KIAA1549L: variants seen among roughly 807,000 people sequenced by gnomAD.
The protein encoded by KIAA1549L is UPF0606 protein KIAA1549L.
In KIAA1549L, 88 loss-of-function variants were observed where a neutral mutation model predicts 160.7. The observed-to-expected ratio is 0.55, with a 90% confidence interval of 0.46 to 0.65. KIAA1549L has a LOEUF of 0.65. Among genes scored for constraint, KIAA1549L ranks in the 30% least tolerant of loss-of-function variants. KIAA1549L has a pLI of 0.00. For missense variants in KIAA1549L, 2,258 were observed against 2,437.5 expected (o/e 0.93, Z 1.55); for synonymous variants, 950 against 976.7 (o/e 0.97, Z 0.51).
chr11:33,414,766 C>T (rs993297579), intron 1 of KIAA1549L, among the ~76,000 whole-genome samples: 7 of 151,896 alleles, frequency 4.6e-5, no homozygotes, highest in African/African-American at 1.7e-4. Context: ...GAGAGGTAAT[C>T]GAATAAATAA....
intron 1 of KIAA1549L, among the ~76,000 whole-genome samples, chr11:33,516,813 C>G (rs934947664): frequency 8.5e-5 from 13 of 152,186 alleles, no homozygotes; most frequent in African/African-American, 2.9e-4. Flanking sequence ...TGTCTAAGCT[C>G]CCCAGAATTA....
chr11:33,382,236 G>A (rs1044295821), intron 1 of KIAA1549L, among the ~76,000 whole-genome samples: 10 of 152,138 alleles, frequency 6.6e-5, no homozygotes, highest in Admixed American at 5.9e-4. Context: ...CAATGAGGCA[G>A]TAGGAAGAGA....
intron 10 of KIAA1549L, among the ~76,000 whole-genome samples, chr11:33,581,822 C>T (rs1160190894): frequency 2.6e-5 from 4 of 152,044 alleles, no homozygotes; most frequent in Non-Finnish European, 5.9e-5. Flanking sequence ...ATTAATGTGT[C>T]CAAGATAAAA....
chr11:33,456,349 T>C (rs1045345238), intron 1 of KIAA1549L, among the ~76,000 whole-genome samples: 2 of 152,162 alleles, frequency 1.3e-5, no homozygotes, highest in Non-Finnish European at 2.9e-5. Context: ...GGAAGTATGA[T>C]TGGCTTATTG....
At chr11:33,580,280 A>G (rs1242953037) in intron 10 of KIAA1549L, among the ~76,000 whole-genome samples, 1 of 152,182 alleles carries the variant, frequency 6.6e-6, no homozygotes, top group African/African-American at 2.4e-5. Context: ...TTTATCTGAA[A>G]AGATGCCACT....
chr11:33,464,478 G>A (rs1048195875), intron 1 of KIAA1549L, among the ~76,000 whole-genome samples: 2 of 123,382 alleles, frequency 1.6e-5, no homozygotes, highest in African/African-American at 6.0e-5. Context: ...GTGTGCATGT[G>A]TGTGTGTGTG....
intron 1 of KIAA1549L, among the ~76,000 whole-genome samples, chr11:33,422,552 CCCCCTCCT>C (rs1851037889): frequency 8.9e-6 from 1 of 112,454 alleles, no homozygotes; most frequent in Non-Finnish European, 1.8e-5. Flanking sequence ...CCCCCCTTCC[CCCCCTCCT>C]CTCCCTCCCT....
In KIAA1549L at chr11:33,603,604, C is replaced by T. The variant is rs370599977; in HGVS notation, c.4880-3037C>T. On this transcript the variant is annotated intron_variant, in intron 13 of 20. Coordinates refer to ENST00000658780, the MANE Select transcript of KIAA1549L (RefSeq NM_012194.3). ...GGTGGATCACCTGAGGTCAGGAGTTCGAGACCAGCCTGGCCAACATGGTGA... is the reference window on the plus strand; with the variant it reads ...GGTGGATCACCTGAGGTCAGGAGTTTGAGACCAGCCTGGCCAACATGGTGA... Among the ~76,000 whole-genome samples, 378 of 152,046 alleles carry T rather than the reference C, an allele frequency of 2.5e-3. 2 individuals carry two copies. Among genetic ancestry groups the T allele is most frequent in the African/African-American group, 8.6e-3 (357 of 41,490 alleles).
rs765763365 is a variant in KIAA1549L at position 33,559,830 on chromosome 11, G to A, written c.3937G>A (p.Val1313Ile). ...TCAGAGCACATTCCTCAACGGCACC[G>A]TCGCCAGCAGCCTCCTCAGCCAGCT... ...GNQSTFLNGT[V>I]ASSLLSQLSA... Residue 1313 changes from valine to isoleucine, a missense_variant, in exon 7 of 21, where the codon GTC becomes ATC. Val to Ile is a conservative substitution (Grantham distance 29). Around this residue, in one of 6 missense-constraint regions of KIAA1549L, gnomAD observed 1,359 missense variants for 1,546.6 expected, o/e 0.88. Transcript: ENST00000658780. The A allele has an allele frequency of 6.6e-5, 107 of 1,613,842 alleles. 1 individual carries two copies. Among genetic ancestry groups the A allele is most frequent in the South Asian group, 2.5e-4 (23 of 91,084 alleles).
intron 1 of KIAA1549L, among the ~76,000 whole-genome samples, chr11:33,412,445 T>C (rs1850803345): frequency 6.6e-6 from 1 of 152,236 alleles, no homozygotes; most frequent in African/African-American, 2.4e-5. Context: ...CCTGAATTAC[T>C]AACACCCTTA....
chr11:33,400,118 C>T (rs1453479704), intron 1 of KIAA1549L, among the ~76,000 whole-genome samples: 1 of 152,114 alleles, frequency 6.6e-6, no homozygotes, highest in East Asian at 1.9e-4. Flanking sequence ...AGCTTCTGAC[C>T]TTTCACGTAC....
At chr11:33,540,115 G>T (rs189527678) in intron 1 of KIAA1549L, among the ~76,000 whole-genome samples, 1 of 152,190 alleles carries the variant, frequency 6.6e-6, no homozygotes, top group African/African-American at 2.4e-5. Context: ...AGATCCCTTG[G>T]TATTAGCCCC....
intron 17 of KIAA1549L, among the ~76,000 whole-genome samples, chr11:33,652,383 C>T (rs1851922231): frequency 6.6e-6 from 1 of 152,174 alleles, no homozygotes; most frequent in East Asian, 1.9e-4. Flanking sequence ...GTGTGGCTCG[C>T]TGTCCTGGGG....
At position 33,526,220 on chromosome 11, in the gene KIAA1549L, A is replaced by C. The variant is rs1853608118; in HGVS notation, c.239-15582A>C. Among the ~76,000 whole-genome samples, 3 of 152,134 alleles carry C rather than the reference A, an allele frequency of 2.0e-5. No homozygotes were observed. In the South Asian group the frequency reaches 6.2e-4, roughly 32 times the overall value. On this transcript the variant is annotated intron_variant, in intron 1 of 20. Transcript: ENST00000658780. ...CTCCTGTCTGGAGGCCAACCAATTC[A>C]AGCCATTACAGCAACTCATAACAGA...
At chr11:33,614,576 ATATATATATT>A (rs1564924936) in intron 15 of KIAA1549L, among the ~76,000 whole-genome samples, 11 of 12,114 alleles carry the variant, frequency 9.1e-4, no homozygotes, top group South Asian at 3.5e-3. Context: ...ATATATATAT[ATATATATATT>A]TTTTTTTTTT....
chr11:33,578,906 C>T (rs563237193), intron 10 of KIAA1549L, among the ~76,000 whole-genome samples: 4 of 152,268 alleles, frequency 2.6e-5, no homozygotes, highest in South Asian at 2.1e-4. Flanking sequence ...AAGCAAGTGC[C>T]GCATCTCATT....
intron 1 of KIAA1549L, among the ~76,000 whole-genome samples, chr11:33,478,153 C>G (rs1852329319): frequency 6.6e-6 from 1 of 152,236 alleles, no homozygotes; most frequent in African/African-American, 2.4e-5. Context: ...AAATCATTGT[C>G]TTCTGTGGTA....
intron 1 of KIAA1549L, among the ~76,000 whole-genome samples, chr11:33,409,287 A>C (rs1352077756): frequency 6.6e-6 from 1 of 152,184 alleles, no homozygotes; most frequent in Non-Finnish European, 1.5e-5. Flanking sequence ...GCTTCACAAA[A>C]TTCTTCATCA....
Position 33,409,764 on chromosome 11 carries a change from C to T in KIAA1549L, c.238+32875C>T, listed in dbSNP as rs545954972. ...GCTTGCTTTTCTTATGTGTTCTCAC[C>T]TCTTTTTTTTTTTTTTTTTTCCTGC... On this transcript the variant is annotated intron_variant, in intron 1 of 20. Coordinates refer to ENST00000658780, the MANE Select transcript of KIAA1549L (RefSeq NM_012194.3). 2.6e-3 allele frequency among the ~76,000 whole-genome samples: 281 copies of T among 108,964 alleles called. 2 individuals carry two copies. Among genetic ancestry groups the T allele is most frequent in the South Asian group, 0.016 (47 of 2,864 alleles). The allele number at this position is 108,964 out of a possible 152,430, so 71.5% of individuals were successfully genotyped here.
Sources: gnomAD v4.1 joint callset for allele counts (sites outside exome capture counted in the v4.1 genomes callset) on GRCh38, gnomAD v4.1.1 for gene constraint, gnomAD v4.1.1 regional missense constraint, MANE v1.5 for transcripts, NCBI Gene and HGNC (gene_info 2026-07-23, HGNC 2026-07-21) for gene names.